STXBP5L: variants seen among roughly 807,000 people sequenced by gnomAD.
The protein encoded by STXBP5L is syntaxin-binding protein 5-like.
STXBP5L carries 65 observed loss-of-function variants against 144.5 expected under a neutral mutation model. That is an observed-to-expected ratio of 0.45 (90% CI 0.37 to 0.55). The LOEUF (loss-of-function observed/expected upper bound fraction) is 0.55, where lower values mean the gene tolerates loss of function less well. Ranked by LOEUF, STXBP5L falls within the 20% of genes least tolerant of loss-of-function variation. The pLI is 0.00. For missense variants in STXBP5L, 1,298 were observed against 1,405.5 expected, an observed-to-expected ratio of 0.92 and a Z score of 1.22; for synonymous variants, 505 against 469.6, an observed-to-expected ratio of 1.08 and a Z score of -0.97.
intron 22 of STXBP5L, among the ~76,000 whole-genome samples, chr3:121,395,791 C>G (rs2046714128): frequency 6.6e-6 from 1 of 152,226 alleles, no homozygotes; most frequent in African/African-American, 2.4e-5. Flanking sequence ...CTCAGGTTTT[C>G]TTCCACCAGC....
At chr3:121,230,458 T>C (rs1242181355) in intron 11 of STXBP5L, among the ~76,000 whole-genome samples, 1 of 109,586 alleles carries the variant, frequency 9.1e-6, no homozygotes, top group African/African-American at 3.5e-5. Context: ...ACAAGTCTGG[T>C]TGTATTTGTC....
chr3:121,394,210 T>C (rs559930882), intron 22 of STXBP5L, among the ~76,000 whole-genome samples: 1 of 152,334 alleles, frequency 6.6e-6, no homozygotes, highest in African/African-American at 2.4e-5. Context: ...CTTCTTTTGG[T>C]TCTCAGCTTG....
intron 3 of STXBP5L, among the ~76,000 whole-genome samples, chr3:120,987,041 C>G (rs1942355641): frequency 6.6e-6 from 1 of 151,930 alleles, no homozygotes; most frequent in Non-Finnish European, 1.5e-5. Context: ...ATGACCAAAG[C>G]TTTCCGAATT....
chr3:121,214,445 C>A (rs2048699316), intron 10 of STXBP5L, among the ~76,000 whole-genome samples: 1 of 152,130 alleles, frequency 6.6e-6, no homozygotes, highest in East Asian at 1.9e-4. Flanking sequence ...TTATTTATTT[C>A]TGCCTTAATT....
At chr3:121,043,032 G>A (rs1215242775) in intron 4 of STXBP5L, among the ~76,000 whole-genome samples, 1 of 151,704 alleles carries the variant, frequency 6.6e-6, no homozygotes, top group South Asian at 2.1e-4. Context: ...TTTGTACTGG[G>A]TCTGATCCTT....
intron 5 of STXBP5L, among the ~76,000 whole-genome samples, chr3:121,095,405 C>T (rs559983927): frequency 4.6e-5 from 7 of 152,262 alleles, no homozygotes; most frequent in East Asian, 3.9e-4. Flanking sequence ...CCATGCTCCC[C>T]GTCACTTTCA....
At chr3:120,939,895 A>C (rs1388607387) in intron 2 of STXBP5L, among the ~76,000 whole-genome samples, 1 of 152,160 alleles carries the variant, frequency 6.6e-6, no homozygotes, top group Non-Finnish European at 1.5e-5. Flanking sequence ...TATTTTATAG[A>C]TGAAGAAACT....
At chr3:121,030,348 C>T (rs1211922494) in intron 3 of STXBP5L, among the ~76,000 whole-genome samples, 2 of 152,026 alleles carry the variant, frequency 1.3e-5, no homozygotes, top group Non-Finnish European at 2.9e-5. Flanking sequence ...ATTATACAGC[C>T]ATAGAAAAGG....
intron 9 of STXBP5L, among the ~76,000 whole-genome samples, chr3:121,159,256 T>G (rs989857601): frequency 6.6e-6 from 1 of 152,108 alleles, no homozygotes; most frequent in African/African-American, 2.4e-5. Context: ...CTATAATTCC[T>G]ATTATAATTC....
intron 3 of STXBP5L, among the ~76,000 whole-genome samples, chr3:120,990,519 A>G (rs1302176493): frequency 3.3e-5 from 5 of 152,164 alleles, no homozygotes; most frequent in African/African-American, 9.7e-5. Context: ...AAGCCAAAAC[A>G]ACAAAGCTGG....
intron 5 of STXBP5L, among the ~76,000 whole-genome samples, chr3:121,107,678 T>A (rs1203705129): frequency 6.6e-6 from 1 of 152,210 alleles, no homozygotes; most frequent in East Asian, 1.9e-4. Flanking sequence ...TTGCTTAGAA[T>A]TTTCTTGGTT....
rs909280962 is a variant in STXBP5L, at chr3:121,117,252, C to T, written c.605+2193C>T. ...TACACATGATTCAGCATTAGAATAG[C>T]ATCTACTATTTTATATATAAACCTG... is the stretch of plus-strand genomic sequence containing the variant. On this transcript the variant is annotated intron_variant, in intron 6 of 26. Coordinates refer to ENST00000471454, the MANE Select transcript of STXBP5L (RefSeq NM_001308330.2). 2.0e-4 allele frequency among the ~76,000 whole-genome samples: 30 copies of T among 151,762 alleles called. 1 individual carries two copies. The highest frequency in any genetic ancestry group is 4.4e-4 in the Non-Finnish European group (30 of 67,764).
chr3:121,058,939 G>A (rs1405394358), intron 5 of STXBP5L, among the ~76,000 whole-genome samples: 1 of 152,174 alleles, frequency 6.6e-6, no homozygotes, highest in African/African-American at 2.4e-5. Flanking sequence ...TCACTCTGAT[G>A]ATAGTTTCTT....
intron 5 of STXBP5L, among the ~76,000 whole-genome samples, chr3:121,114,279 G>A (rs2044136291): frequency 6.6e-6 from 1 of 151,970 alleles, no homozygotes; most frequent in Admixed American, 6.6e-5. Flanking sequence ...TAAAATGAAG[G>A]GAAAAATACA....
At chr3:120,975,864 T>G (rs1484649673) in intron 3 of STXBP5L, among the ~76,000 whole-genome samples, 7 of 152,198 alleles carry the variant, frequency 4.6e-5, no homozygotes, top group Non-Finnish European at 1.0e-4. Context: ...TTGTGTATAT[T>G]GAACCAGCCT....
At chr3:121,098,921 A>G (rs1167021926) in intron 5 of STXBP5L, among the ~76,000 whole-genome samples, 2 of 152,114 alleles carry the variant, frequency 1.3e-5, no homozygotes, top group Admixed American at 6.6e-5. Context: ...GCACATTATC[A>G]TGGTCCCCAG....
intron 2 of STXBP5L, among the ~76,000 whole-genome samples, chr3:120,929,315 A>G (rs1428702116): frequency 6.6e-6 from 1 of 152,140 alleles, no homozygotes; most frequent in East Asian, 1.9e-4. Flanking sequence ...GTTGTAGGTT[A>G]GAGTTCTATT....
intron 20 of STXBP5L, among the ~76,000 whole-genome samples, chr3:121,345,607 T>A (rs928455013): frequency 6.6e-6 from 1 of 152,142 alleles, no homozygotes; most frequent in Non-Finnish European, 1.5e-5. Context: ...ATGGTTGAAC[T>A]AATTTACACT....
chr3:121,115,429 T>C (rs1372404376), intron 6 of STXBP5L, among the ~76,000 whole-genome samples: 1 of 152,172 alleles, frequency 6.6e-6, no homozygotes, highest in Non-Finnish European at 1.5e-5. Context: ...ATTTTAATGC[T>C]TGTAGCTTGT....
Sources: allele counts gnomAD v4.1 joint callset (sites outside exome capture counted in the v4.1 genomes callset), GRCh38; gene constraint gnomAD v4.1.1; transcripts MANE v1.5; gene names NCBI Gene and HGNC (gene_info 2026-07-23, HGNC 2026-07-21).